Variants in GNG2 observed in about 807,000 individuals in gnomAD.
GNG2 encodes guanine nucleotide-binding protein G(I)/G(S)/G(O) subunit gamma-2.
In GNG2, 5 loss-of-function variants were observed where a neutral mutation model predicts 5.5. The observed-to-expected ratio is 0.91, with a 90% confidence interval of 0.48 to 1.92. The LOEUF is 1.92. GNG2 is among the 30% of genes most tolerant of loss of function. The pLI, the probability that GNG2 is intolerant of heterozygous loss-of-function variation, is 0.01. For synonymous variants in GNG2, 28 were observed against 32.0 expected (o/e 0.88, Z 0.42); for missense variants, 55 against 88.4 (o/e 0.62, Z 1.52).
chr14:51,949,165 T>A (rs1888822992), intron 2 of GNG2, among the ~76,000 whole-genome samples: 1 of 151,892 alleles, frequency 6.6e-6, no homozygotes, highest in South Asian at 2.1e-4. Context: ...CAATTAATTA[T>A]GCTCCAATTT....
intron 2 of GNG2, among the ~76,000 whole-genome samples, chr14:51,927,276 T>G (rs898792581): frequency 6.6e-6 from 1 of 152,034 alleles, no homozygotes; most frequent in Non-Finnish European, 1.5e-5. Context: ...CAGGCAGGTC[T>G]GGTTCTTGAT....
intron 2 of GNG2, among the ~76,000 whole-genome samples, chr14:51,887,363 A>G (rs890046115): frequency 3.3e-5 from 5 of 152,170 alleles, no homozygotes; most frequent in African/African-American, 1.2e-4. Flanking sequence ...GTGTTTTTGC[A>G]GCTTACTTTG....
rs571831484 is a variant in GNG2 at position 51,967,592 on chromosome 14, G to C, written c.*905G>C. On this transcript the variant is annotated 3_prime_UTR_variant, in exon 4 of 4. Coordinates refer to ENST00000556766, the MANE Select transcript of GNG2 (RefSeq NM_053064.5). The stretch of plus-strand genomic sequence containing the variant: ...TTTTGAAAATTGAGATTACTTCAGA[G>C]CCTTAGCCACACCTAAAATACCTCC... 2.6e-5 allele frequency: 4 copies of C among 152,238 alleles called. No homozygotes were observed. Among genetic ancestry groups the C allele is most frequent in the African/African-American group, 9.6e-5 (4 of 41,544 alleles). 9.4% of individuals were successfully genotyped at this position (152,238 alleles called of 1,614,324 possible).
chr14:51,871,330 G>GC (rs1883281187), intron 1 of GNG2, among the ~76,000 whole-genome samples: 1 of 46,082 alleles, frequency 2.2e-5, no homozygotes, highest in African/African-American at 8.0e-5. Context: ...AAATTCCTAG[G>GC]CAAAAAAAAA....
At chr14:51,928,568 C>G (rs1325144166) in intron 2 of GNG2, among the ~76,000 whole-genome samples, 1 of 152,110 alleles carries the variant, frequency 6.6e-6, no homozygotes, top group Non-Finnish European at 1.5e-5. Flanking sequence ...ATAGAGGGAT[C>G]AAGGAAGCTC....
chr14:51,827,541 A>G, intron 1 of GNG2: 1 of 581,086 alleles, frequency 1.7e-6, no homozygotes, highest in Non-Finnish European at 3.0e-6. Context: ...GAAAGCTAGG[A>G]GTGGTATTTT....
At chr14:51,883,809 G>T (rs1448745471) in intron 2 of GNG2, among the ~76,000 whole-genome samples, 2 of 151,808 alleles carry the variant, frequency 1.3e-5, no homozygotes, top group African/African-American at 4.8e-5. Context: ...TACTATAACT[G>T]CTATATACTG....
intron 2 of GNG2, among the ~76,000 whole-genome samples, chr14:51,943,061 C>A (rs1888440134): frequency 6.6e-6 from 1 of 152,104 alleles, no homozygotes; most frequent in African/African-American, 2.4e-5. Flanking sequence ...CCATCAACTC[C>A]TAGAAAAAGT....
intron 2 of GNG2, among the ~76,000 whole-genome samples, chr14:51,942,525 T>C (rs1447693536): frequency 1.3e-5 from 2 of 150,336 alleles, no homozygotes; most frequent in Non-Finnish European, 3.0e-5. Flanking sequence ...GAGAAAAGAT[T>C]GAGTCCCATT....
rs926935924 is a variant in GNG2 at position 51,950,668 on chromosome 14, C to G, written c.-11C>G. On this transcript the variant is annotated 5_prime_UTR_variant, in exon 3 of 4. The change creates a new upstream start codon in the 5' untranslated region. Transcript: ENST00000556766. ...TTTCTAGTGTTTCTGAAAGATCTAT[C>G]CAGCACTCCGATGGCCAGCAACAAC... 3 of 1,602,682 alleles carry G rather than the reference C, an allele frequency of 1.9e-6. No individual in the cohort carries two copies. The highest frequency in any genetic ancestry group is 2.6e-6 in the Non-Finnish European group (3 of 1,171,462).
At chr14:51,827,720 A>G (rs1881066189) in exon 2 of GNG2, 1 of 702,224 alleles carries the variant, frequency 1.4e-6, no homozygotes, top group Non-Finnish European at 2.6e-6. Flanking sequence ...TCCTGAGCCC[A>G]ACCTGTGCCT....
chr14:51,879,510 G>A (rs1324114052), intron 2 of GNG2, among the ~76,000 whole-genome samples: 5 of 152,160 alleles, frequency 3.3e-5, no homozygotes, highest in Non-Finnish European at 2.9e-5. Context: ...CAACACAAAT[G>A]TATTATCTTA....
intron 2 of GNG2, among the ~76,000 whole-genome samples, chr14:51,907,440 C>T (rs752143752): frequency 3.4e-4 from 51 of 152,168 alleles, no homozygotes; most frequent in Non-Finnish European, 6.5e-4. Context: ...AGAATTTCTG[C>T]AGTGAGAATT....
intron 2 of GNG2, among the ~76,000 whole-genome samples, chr14:51,843,144 C>T (rs375013206): frequency 3.4e-4 from 52 of 152,306 alleles, no homozygotes; most frequent in African/African-American, 1.2e-3. Flanking sequence ...GCTCTCCTTT[C>T]CGTAAATCAT....
chr14:51,845,546 T>C (rs1432205143), intron 2 of GNG2, among the ~76,000 whole-genome samples: 1 of 152,146 alleles, frequency 6.6e-6, no homozygotes, highest in Non-Finnish European at 1.5e-5. Context: ...TTAGAGGCAA[T>C]CTTGCCCAGC....
At chr14:51,906,231 T>A (rs1885907499) in intron 2 of GNG2, among the ~76,000 whole-genome samples, 1 of 152,276 alleles carries the variant, frequency 6.6e-6, no homozygotes, top group Non-Finnish European at 1.5e-5. Context: ...TCCTGCCTCC[T>A]TCTTTATTTA....
chr14:51,948,936 A>G (rs939020842), intron 2 of GNG2, among the ~76,000 whole-genome samples: 2 of 152,100 alleles, frequency 1.3e-5, no homozygotes, highest in Non-Finnish European at 2.9e-5. Flanking sequence ...CCTGGCTAAC[A>G]TGGTGAAACC....
chr14:51,935,276 CG>C (rs1887922518), intron 2 of GNG2, among the ~76,000 whole-genome samples: 2 of 151,998 alleles, frequency 1.3e-5, no homozygotes, highest in African/African-American at 4.8e-5. Context: ...CCGGCCGCCT[CG>C]GCCTCCCAAA....
At chr14:51,935,041 T>TTGAG (rs1373738135) in intron 2 of GNG2, among the ~76,000 whole-genome samples, 1 of 145,690 alleles carries the variant, frequency 6.9e-6, no homozygotes, top group African/African-American at 2.6e-5. Flanking sequence ...TTTTTTTTTT[T>TTGAG]GGAGACGGAG....
Sources: allele counts gnomAD v4.1 joint callset (sites outside exome capture counted in the v4.1 genomes callset), GRCh38; gene constraint gnomAD v4.1.1; transcripts MANE v1.5; gene names NCBI Gene and HGNC (gene_info 2026-07-23, HGNC 2026-07-21).